PTPRN2: variants seen among roughly 807,000 people sequenced by gnomAD.
The protein encoded by PTPRN2 is receptor-type tyrosine-protein phosphatase N2.
In PTPRN2, 74 loss-of-function variants were observed where a neutral mutation model predicts 118.8. That is an observed-to-expected ratio of 0.62 (90% confidence interval 0.52 to 0.76). The LOEUF is 0.76. Ranked by LOEUF, PTPRN2 falls within the 30% of genes least tolerant of loss-of-function variation. PTPRN2 has a pLI of 0.00. For missense variants in PTPRN2, 1,481 were observed against 1,394.4 expected, an observed-to-expected ratio of 1.06 and a Z score of -0.99; for synonymous variants, 641 against 608.0, an observed-to-expected ratio of 1.05 and a Z score of -0.80.
chr7:158,224,345 A>T (rs761286329), intron 3 of PTPRN2, among the ~76,000 whole-genome samples: 1 of 152,220 alleles, frequency 6.6e-6, no homozygotes, highest in Non-Finnish European at 1.5e-5. Flanking sequence ...TATAATTTCA[A>T]GTCTTATATA....
intron 22 of PTPRN2, among the ~76,000 whole-genome samples, chr7:157,544,836 C>T (rs952766371): frequency 1.3e-5 from 2 of 151,966 alleles, no homozygotes; most frequent in Non-Finnish European, 1.5e-5. Context: ...GGAATGTGTG[C>T]GGGTGTGTGT....
chr7:157,685,204 G>A (rs1031875752), intron 12 of PTPRN2, among the ~76,000 whole-genome samples: 15 of 151,736 alleles, frequency 9.9e-5, no homozygotes, highest in African/African-American at 3.6e-4. Context: ...CATCCCGGCC[G>A]GGCCGATGGC....
chr7:158,489,678 G>A (rs1239610755), intron 2 of PTPRN2, 57 bp downstream of exon 2: 18 of 1,513,036 alleles, frequency 1.2e-5, no homozygotes, highest in Non-Finnish European at 1.6e-5. Flanking sequence ...TGGGCGCTGC[G>A]CACGGCGGGC....
At chr7:157,693,910 C>T (rs1020848083) in intron 12 of PTPRN2, among the ~76,000 whole-genome samples, 1 of 152,234 alleles carries the variant, frequency 6.6e-6, no homozygotes, top group African/African-American at 2.4e-5. Context: ...CCTCAGTCTC[C>T]ACGGCGGCGC....
intron 12 of PTPRN2, among the ~76,000 whole-genome samples, chr7:157,776,462 C>CT (rs1803269030): frequency 6.9e-6 from 1 of 145,122 alleles, no homozygotes; most frequent in African/African-American, 2.6e-5. Context: ...CCTCCTCCTC[C>CT]CTCTCCTTCT....
At chr7:157,948,185 G>C (rs961785546) in intron 11 of PTPRN2, among the ~76,000 whole-genome samples, 1 of 152,150 alleles carries the variant, frequency 6.6e-6, no homozygotes, top group Non-Finnish European at 1.5e-5. Flanking sequence ...TTGTAGCTTT[G>C]GTTTGTATCT....
chr7:158,085,235 C>T (rs1233940035), intron 10 of PTPRN2, among the ~76,000 whole-genome samples: 2 of 136,362 alleles, frequency 1.5e-5, no homozygotes, highest in Non-Finnish European at 3.1e-5. Context: ...CCCATCCACA[C>T]CCACGACACC....
At chr7:157,798,191 G>A (rs761527263) in intron 12 of PTPRN2, among the ~76,000 whole-genome samples, 5 of 152,194 alleles carry the variant, frequency 3.3e-5, no homozygotes, top group East Asian at 1.9e-4. Context: ...CCTGGGAGGC[G>A]GAGGTTGCAG....
Position 157,728,447 on chromosome 7 carries a change from G to T in PTPRN2, c.1789-45510C>A, listed in dbSNP as rs138562235. Among the ~76,000 whole-genome samples, 356 of 152,340 alleles carry T rather than the reference G, an allele frequency of 2.3e-3. 1 individual carries two copies. The highest frequency in any genetic ancestry group is 8.0e-3 in the African/African-American group (333 of 41,590). On this transcript the variant is annotated intron_variant, in intron 12 of 22. Coordinates refer to ENST00000389418, the MANE Select transcript of PTPRN2 (RefSeq NM_002847.5). ...ATGGCGGCTGGGGTTTCACGGGGGC[G>T]AGGGGCTGGGCCACACTTGTCTGCA...
At chr7:158,211,149 C>A (rs904526684) in intron 3 of PTPRN2, among the ~76,000 whole-genome samples, 1 of 152,172 alleles carries the variant, frequency 6.6e-6, no homozygotes, top group Admixed American at 6.5e-5. Context: ...AGACTCCTAT[C>A]TCTTCCTATA....
chr7:158,047,372 T>G (rs1808958140), intron 11 of PTPRN2, among the ~76,000 whole-genome samples: 1 of 152,212 alleles, frequency 6.6e-6, no homozygotes, highest in Non-Finnish European at 1.5e-5. Context: ...ACACATCATG[T>G]CCAAGGGCAA....
chr7:158,293,575 C>T (rs985141895), intron 3 of PTPRN2, among the ~76,000 whole-genome samples: 7 of 146,666 alleles, frequency 4.8e-5, no homozygotes, highest in Non-Finnish European at 4.5e-5. Context: ...GACTCTGTCT[C>T]GAAAAAAAAA....
At chr7:157,699,570 TCTG>T (rs1290546318) in intron 12 of PTPRN2, among the ~76,000 whole-genome samples, 1 of 152,200 alleles carries the variant, frequency 6.6e-6, no homozygotes, top group Non-Finnish European at 1.5e-5. Context: ...ATTACAGGTG[TCTG>T]CCACCAGGCC....
intron 14 of PTPRN2, among the ~76,000 whole-genome samples, chr7:157,642,541 C>T (rs994508009): frequency 1.3e-5 from 2 of 152,154 alleles, no homozygotes; most frequent in African/African-American, 2.4e-5. Context: ...CAGGAAGTTT[C>T]CATGAGTTCC....
intron 2 of PTPRN2, among the ~76,000 whole-genome samples, chr7:158,431,115 C>T (rs1005238172): frequency 1.3e-5 from 2 of 152,210 alleles, no homozygotes; most frequent in African/African-American, 2.4e-5. Flanking sequence ...GAACCAAATT[C>T]TTATCTGAAT....
At chr7:157,708,540 G>A (rs1037983556) in intron 12 of PTPRN2, among the ~76,000 whole-genome samples, 1 of 152,030 alleles carries the variant, frequency 6.6e-6, no homozygotes, top group Non-Finnish European at 1.5e-5. Flanking sequence ...CGGAGGGGCC[G>A]TCCCAGGGCT....
intron 1 of PTPRN2, among the ~76,000 whole-genome samples, chr7:158,573,190 A>G (rs1322137717): frequency 6.6e-6 from 1 of 152,184 alleles, no homozygotes; most frequent in African/African-American, 2.4e-5. Flanking sequence ...CTGATCATCA[A>G]CATTTCTTTG....
intron 11 of PTPRN2, among the ~76,000 whole-genome samples, chr7:158,057,937 A>G (rs892430292): frequency 6.6e-6 from 1 of 152,224 alleles, no homozygotes; most frequent in African/African-American, 2.4e-5. Flanking sequence ...GTTTCCTGCT[A>G]ATCTGTTTAA....
At chr7:157,988,085 C>A (rs79156798) in intron 11 of PTPRN2, among the ~76,000 whole-genome samples, 4,385 of 152,312 alleles carry the variant, frequency 0.029, 112 homozygotes, top group East Asian at 0.13. Flanking sequence ...AAAGCTGCCT[C>A]ATGCAGACGG....
Sources: gnomAD v4.1 joint callset for allele counts (sites outside exome capture counted in the v4.1 genomes callset) on GRCh38, gnomAD v4.1.1 for gene constraint, MANE v1.5 for transcripts, NCBI Gene and HGNC (gene_info 2026-07-23, HGNC 2026-07-21) for gene names.